Variants in DDC observed in about 807,000 individuals in gnomAD.
DDC encodes the protein dopa decarboxylase.
A neutral mutation model predicts 60.0 loss-of-function variants in DDC; 43 were observed. The ratio of observed to expected loss-of-function variants is 0.72; its 90% confidence interval spans 0.56 to 0.92. DDC has a LOEUF of 0.92. DDC is among the 40% of genes least tolerant of loss of function. DDC has a pLI of 0.00. For missense variants in DDC, 573 were observed against 620.2 expected (o/e 0.92, Z 0.81); for synonymous variants, 232 against 234.6 (o/e 0.99, Z 0.10).
intron 6 of DDC, among the ~76,000 whole-genome samples, chr7:50,510,396 C>T (rs1452548461): frequency 1.3e-5 from 2 of 152,082 alleles, no homozygotes; most frequent in Non-Finnish European, 2.9e-5. Flanking sequence ...AGGCCGGGTG[C>T]TGTGGCTTAT....
At chr7:50,507,045 G>C (rs1029165909) in intron 6 of DDC, among the ~76,000 whole-genome samples, 1 of 152,220 alleles carries the variant, frequency 6.6e-6, no homozygotes, top group African/African-American at 2.4e-5. Context: ...TCAGTTTGTA[G>C]AGCATGAGAG....
chr7:50,560,637 G>C (rs953460320), intron 1 of DDC, among the ~76,000 whole-genome samples: 1 of 152,036 alleles, frequency 6.6e-6, no homozygotes, highest in Non-Finnish European at 1.5e-5. Context: ...TGGCCTCCAC[G>C]GTCTCTACAT....
chr7:50,488,737 G>A (rs1257282901), intron 9 of DDC, among the ~76,000 whole-genome samples: 2 of 152,048 alleles, frequency 1.3e-5, no homozygotes, highest in Admixed American at 1.3e-4. Context: ...TAAAAAAATT[G>A]TTAGAACAAC....
intron 9 of DDC, among the ~76,000 whole-genome samples, chr7:50,491,523 G>A (rs1403002110): frequency 6.6e-6 from 1 of 152,088 alleles, no homozygotes; most frequent in Admixed American, 6.6e-5. Context: ...TTTTTAAAAG[G>A]GGAGGGGAAG....
intron 4 of DDC, among the ~76,000 whole-genome samples, chr7:50,534,673 T>C (rs1339889412): frequency 6.6e-6 from 1 of 151,678 alleles, no homozygotes; most frequent in East Asian, 1.9e-4. Context: ...TTGTCCCGTG[T>C]ATAAAACTAA....
At chr7:50,546,347 A>G (rs1034051563) in intron 1 of DDC, among the ~76,000 whole-genome samples, 1 of 152,216 alleles carries the variant, frequency 6.6e-6, no homozygotes, top group Admixed American at 6.5e-5. Context: ...AATTCCAAAA[A>G]CAACAGGGGC....
At chr7:50,490,926 G>A (rs927527177) in intron 9 of DDC, among the ~76,000 whole-genome samples, 6 of 152,122 alleles carry the variant, frequency 3.9e-5, no homozygotes, top group African/African-American at 1.4e-4. Flanking sequence ...TTGGGGAACT[G>A]GAAAGAGAAA....
At chr7:50,488,281 A>T (rs375096981) in intron 9 of DDC, among the ~76,000 whole-genome samples, 20 of 152,102 alleles carry the variant, frequency 1.3e-4, no homozygotes, top group South Asian at 1.0e-3. Flanking sequence ...TTTAAAAAAA[A>T]ATATAGGAAA....
At chr7:50,544,625 CT>C (rs2044743026) in intron 1 of DDC, among the ~76,000 whole-genome samples, 1 of 152,198 alleles carries the variant, frequency 6.6e-6, no homozygotes, top group Non-Finnish European at 1.5e-5. Context: ...TTCTTCTCTC[CT>C]CTTGATTCTG....
intron 10 of DDC, 60 bp from the exon 11 acceptor site, chr7:50,476,703 G>A (rs995893156): frequency 3.4e-5 from 49 of 1,452,310 alleles, no homozygotes; most frequent in South Asian, 1.4e-4. Flanking sequence ...TTGATCACAC[G>A]CTAATCCTTT....
intron 6 of DDC, among the ~76,000 whole-genome samples, chr7:50,511,426 G>A (rs951617670): frequency 2.0e-5 from 3 of 152,146 alleles, no homozygotes; most frequent in Admixed American, 6.5e-5. Flanking sequence ...AACACTTTGG[G>A]AGGCCAAGGC....
intron 1 of DDC, chr7:50,564,074 A>G (rs924520924): frequency 1.3e-5 from 2 of 152,192 alleles, no homozygotes; most frequent in Non-Finnish European, 2.9e-5. Flanking sequence ...CTGTAGGCAG[A>G]TGGCTGTGTC....
intron 9 of DDC, chr7:50,492,824 T>G: frequency 1.3e-6 from 2 of 1,518,524 alleles, no homozygotes. Flanking sequence ...GGAAGAGTTG[T>G]CCGGGAGAGA....
intron 4 of DDC, among the ~76,000 whole-genome samples, chr7:50,535,954 A>T (rs2044393151): frequency 1.3e-5 from 2 of 152,210 alleles, no homozygotes; most frequent in African/African-American, 4.8e-5. Context: ...TGCGACCAGG[A>T]AAGTGTGAAA....
intron 1 of DDC, among the ~76,000 whole-genome samples, chr7:50,545,608 G>A (rs554354044): frequency 1.3e-5 from 2 of 152,256 alleles, no homozygotes; most frequent in Non-Finnish European, 2.9e-5. Flanking sequence ...GAGTAGCTGG[G>A]ATTATAAGCA....
At position 50,459,955 on chromosome 7, in the gene DDC, A is replaced by G. The variant is rs1385543842; in HGVS notation, c.*19-1112T>C. Reference sequence around the variant, plus strand: ...GGGGGGGTCAGCCCCCTGCCCGGCCAGCCGCCCCATCTGGGAGGTGAGGGG... The same window carrying G: ...GGGGGGGTCAGCCCCCTGCCCGGCCGGCCGCCCCATCTGGGAGGTGAGGGG... On this transcript the variant is annotated intron_variant, in intron 14 of 14. Transcript: ENST00000444124. Among the ~76,000 whole-genome samples the G allele has an allele frequency of 6.2e-5, 8 of 128,196 alleles. No individual in the cohort carries two copies. In the East Asian group the frequency reaches 1.8e-3, roughly 28 times the overall value. 84.1% of individuals were successfully genotyped at this position (128,196 alleles called of 152,430 possible).
intron 1 of DDC, among the ~76,000 whole-genome samples, chr7:50,554,081 A>G (rs2045101412): frequency 1.3e-5 from 2 of 152,188 alleles, no homozygotes; most frequent in Non-Finnish European, 2.9e-5. Context: ...CTCCAGCTAC[A>G]CCACCAAGTG....
intron 6 of DDC, among the ~76,000 whole-genome samples, chr7:50,527,275 G>C (rs1406599027): frequency 6.6e-6 from 1 of 151,970 alleles, no homozygotes; most frequent in Non-Finnish European, 1.5e-5. Context: ...TGAAATTTTT[G>C]TAAAATACAA....
intron 6 of DDC, among the ~76,000 whole-genome samples, chr7:50,505,878 T>C (rs992389753): frequency 5.9e-5 from 9 of 152,224 alleles, no homozygotes; most frequent in Non-Finnish European, 1.3e-4. Flanking sequence ...TCTGTTTAAA[T>C]GTAGGCTTTC....
Sources: gnomAD v4.1 joint callset for allele counts (sites outside exome capture counted in the v4.1 genomes callset) on GRCh38, gnomAD v4.1.1 for gene constraint, MANE v1.5 for transcripts, NCBI Gene and HGNC (gene_info 2026-07-23, HGNC 2026-07-21) for gene names.